The following ANKFN1 variants were observed in gnomAD, a reference collection of about 807,000 sequenced individuals.
ANKFN1 encodes ankyrin repeat and fibronectin type-III domain-containing protein 1.
Under a neutral mutation model 108.7 loss-of-function variants are expected in ANKFN1, and 74 were observed. The ratio of observed to expected loss-of-function variants is 0.68; its 90% CI spans 0.56 to 0.83. The LOEUF is 0.83. Ranked by LOEUF, ANKFN1 falls within the 40% of genes least tolerant of loss-of-function variation. ANKFN1 has a pLI of 0.00. For synonymous variants in ANKFN1, 547 were observed against 516.2 expected, an observed-to-expected ratio of 1.06 and a Z score of -0.81; for missense variants, 1,505 against 1,382.3, an observed-to-expected ratio of 1.09 and a Z score of -1.41.
intron 1 of ANKFN1, among the ~76,000 whole-genome samples, chr17:56,196,891 A>G (rs1252801678): frequency 6.6e-6 from 1 of 152,254 alleles, no homozygotes; most frequent in African/African-American, 2.4e-5. Flanking sequence ...TGTGTCATGC[A>G]AATGACCCTT....
chr17:56,062,573 T>TTTTTTTTTTTTTTTTTTC (rs1555589520), intron 4 of ANKFN1, among the ~76,000 whole-genome samples: 21 of 145,206 alleles, frequency 1.4e-4, no homozygotes, highest in African/African-American at 5.7e-4. Context: ...TTTTTTTTTT[T>TTTTTTTTTTTTTTTTTTC]CTTTCCATTT....
chr17:56,243,693 C>T (rs1234355585), intron 3 of ANKFN1, among the ~76,000 whole-genome samples: 2 of 152,054 alleles, frequency 1.3e-5, no homozygotes, highest in Non-Finnish European at 2.9e-5. Flanking sequence ...AGGGCTTCAC[C>T]TTCACCCCCA....
intron 1 of ANKFN1, among the ~76,000 whole-genome samples, chr17:56,159,033 C>CAAAAAAAAAAAAAAAAAAAAAAAGAAAA (rs57878541): frequency 1.4e-5 from 1 of 71,016 alleles, no homozygotes; most frequent in African/African-American, 5.4e-5. Context: ...TGGTCTAGGC[C>CAAAAAAAAAAAAAAAAAAAAAAAGAAAA]AAAAAAAAAA....
At chr17:56,487,520 A>G (rs1338314215) in intron 18 of ANKFN1, among the ~76,000 whole-genome samples, 17 of 151,858 alleles carry the variant, frequency 1.1e-4, no homozygotes, top group Admixed American at 9.8e-4. Flanking sequence ...ATTGGACTAG[A>G]AAGACAAAAA....
chr17:56,412,873 T>C (rs922142717), intron 8 of ANKFN1, among the ~76,000 whole-genome samples: 1 of 152,238 alleles, frequency 6.6e-6, no homozygotes, highest in African/African-American at 2.4e-5. Flanking sequence ...CTATTAGTCC[T>C]GATCCTCCAG....
intron 1 of ANKFN1, among the ~76,000 whole-genome samples, chr17:56,210,898 G>A (rs562723444): frequency 4.6e-5 from 7 of 152,224 alleles, no homozygotes; most frequent in African/African-American, 7.2e-5. Context: ...ACCTCCCATC[G>A]GGTCCCTCCT....
chr17:56,405,776 A>C (rs568361677), intron 8 of ANKFN1, among the ~76,000 whole-genome samples: 7 of 152,188 alleles, frequency 4.6e-5, no homozygotes, highest in Non-Finnish European at 8.8e-5. Flanking sequence ...ATTGTTAAAA[A>C]ATTGAAAGAG....
intron 1 of ANKFN1, among the ~76,000 whole-genome samples, chr17:56,170,965 T>C (rs1910644106): frequency 1.3e-5 from 2 of 151,476 alleles, no homozygotes; most frequent in African/African-American, 4.9e-5. Flanking sequence ...AGAACAACTT[T>C]TAAACTTATC....
Position 56,327,618 on chromosome 17 carries a change from C to G in ANKFN1, c.188+1263C>G, listed in dbSNP as rs539826382. Among the ~76,000 whole-genome samples, 13 of 152,274 alleles carry G rather than the reference C, an allele frequency of 8.5e-5. No homozygotes were observed. The East Asian group carries it at 2.5e-3, about 29-fold the overall frequency. On this transcript the variant is annotated intron_variant, in intron 4 of 20. Transcript: ENST00000682825. ...TGGCTATTTCACAAATGATGGCATTCTAATAGCAAGGAGACCGAGTTGCCT... is the reference window on the plus strand; with the variant it reads ...TGGCTATTTCACAAATGATGGCATTGTAATAGCAAGGAGACCGAGTTGCCT...
intron 3 of ANKFN1, among the ~76,000 whole-genome samples, chr17:56,235,432 C>T (rs949325157): frequency 3.3e-5 from 5 of 152,146 alleles, no homozygotes; most frequent in African/African-American, 9.7e-5. Context: ...TTTGTCCATT[C>T]CTATGTCCAC....
intron 2 of ANKFN1, among the ~76,000 whole-genome samples, chr17:56,227,304 A>G (rs1294400632): frequency 7.2e-5 from 11 of 152,136 alleles, no homozygotes; most frequent in African/African-American, 2.7e-4. Flanking sequence ...TGGCCTTCCA[A>G]GCATAGGCAC....
rs577466473 is a variant in ANKFN1 at position 56,437,168 on chromosome 17, C to T, written c.911-3159C>T. Reference sequence around the variant, plus strand: ...TCTATTAATTCCCAAAACAGAACCACATCTTCTTACAACCGGCTTCTGTTT... The same window carrying T: ...TCTATTAATTCCCAAAACAGAACCATATCTTCTTACAACCGGCTTCTGTTT... On this transcript the variant is annotated intron_variant, in intron 8 of 20. Coordinates refer to ENST00000682825, the MANE Select transcript of ANKFN1 (RefSeq NM_001370326.1). Among the ~76,000 whole-genome samples, 3 of 152,332 alleles carry T rather than the reference C, an allele frequency of 2.0e-5. No individual in the cohort carries two copies. The South Asian group carries it at 6.2e-4, about 32-fold the overall frequency.
At chr17:56,254,052 G>T (rs911577153) in intron 3 of ANKFN1, 4 of 152,182 alleles carry the variant, frequency 2.6e-5, no homozygotes, top group African/African-American at 9.7e-5. Context: ...CAAATATTCA[G>T]TATTGCTGAA....
At chr17:56,080,499 C>A (rs542634518) in intron 4 of ANKFN1, among the ~76,000 whole-genome samples, 1 of 152,178 alleles carries the variant, frequency 6.6e-6, no homozygotes, top group Non-Finnish European at 1.5e-5. Context: ...AGAAGCTTGT[C>A]CAAGATAATC....
chr17:56,158,233 T>A (rs1421812465), intron 1 of ANKFN1, among the ~76,000 whole-genome samples: 1 of 152,190 alleles, frequency 6.6e-6, no homozygotes, highest in Non-Finnish European at 1.5e-5. Context: ...TACACCCCAG[T>A]GGTTATCTTG....
chr17:56,179,539 C>T (rs1911490534), intron 1 of ANKFN1, among the ~76,000 whole-genome samples: 1 of 152,166 alleles, frequency 6.6e-6, no homozygotes, highest in Admixed American at 6.5e-5. Context: ...TGTAGGGCAG[C>T]AGAATGAGCT....
chr17:56,296,992 G>T (rs1276188041), intron 3 of ANKFN1, among the ~76,000 whole-genome samples: 2 of 152,220 alleles, frequency 1.3e-5, no homozygotes, highest in African/African-American at 4.8e-5. Flanking sequence ...GTACCAGAGT[G>T]TCCAAAGAAT....
intron 4 of ANKFN1, among the ~76,000 whole-genome samples, chr17:56,348,314 T>C (rs1293445355): frequency 6.6e-6 from 1 of 152,060 alleles, no homozygotes; most frequent in Non-Finnish European, 1.5e-5. Flanking sequence ...AATATGTCCA[T>C]TTAGCTAAAA....
At chr17:56,083,765 A>C (rs919098574) in intron 4 of ANKFN1, among the ~76,000 whole-genome samples, 1 of 151,376 alleles carries the variant, frequency 6.6e-6, no homozygotes, top group Non-Finnish European at 1.5e-5. Context: ...AAATCCAATC[A>C]GATGTTCAAG....
Sources: gnomAD v4.1 joint callset for allele counts (sites outside exome capture counted in the v4.1 genomes callset) on GRCh38, gnomAD v4.1.1 for gene constraint, MANE v1.5 for transcripts, NCBI Gene and HGNC (gene_info 2026-07-23, HGNC 2026-07-21) for gene names.